ABCC11: variants seen among roughly 807,000 people sequenced by gnomAD.
ABCC11 encodes ATP binding cassette subfamily C member 11.
In ABCC11, 135 loss-of-function variants were observed where a neutral mutation model predicts 149.3. The ratio of observed to expected loss-of-function variants is 0.90; its 90% CI spans 0.79 to 1.04. The LOEUF is 1.04. ABCC11 is among the 50% of genes least tolerant of loss of function. ABCC11 has a pLI of 0.00. For synonymous variants in ABCC11, 665 were observed against 671.4 expected (o/e 0.99, Z 0.15); for missense variants, 1,680 against 1,722.1 (o/e 0.98, Z 0.43).
intron 23 of ABCC11, among the ~76,000 whole-genome samples, chr16:48,179,443 G>A (rs997279121): frequency 1.3e-5 from 2 of 152,204 alleles, no homozygotes; most frequent in Non-Finnish European, 2.9e-5. Context: ...TTGGGGCCCC[G>A]GTCTATAACC....
chr16:48,180,913 A>G (rs1459528558), intron 23 of ABCC11, among the ~76,000 whole-genome samples: 2 of 152,328 alleles, frequency 1.3e-5, no homozygotes, highest in African/African-American at 4.8e-5. Flanking sequence ...CAGACCTTGA[A>G]AAGAAGAAAA....
intron 24 of ABCC11, among the ~76,000 whole-genome samples, chr16:48,177,438 C>CG (rs1303666807): frequency 1.3e-5 from 2 of 152,204 alleles, no homozygotes; most frequent in African/African-American, 2.4e-5. Flanking sequence ...CTCCCCCCTT[C>CG]GGGGGGGTTC....
At chr16:48,243,993 GAATAAATA>G (rs748559863) in intron 1 of ABCC11, among the ~76,000 whole-genome samples, 4 of 150,862 alleles carry the variant, frequency 2.7e-5, no homozygotes, top group Non-Finnish European at 4.4e-5. Context: ...ATCTGTCTCA[GAATAAATA>G]AATAAATAAA....
chr16:48,210,802 T>A (rs1262882685), intron 11 of ABCC11, 146 bp downstream of exon 11: 1 of 1,138,278 alleles, frequency 8.8e-7, no homozygotes, highest in Admixed American at 2.8e-5. Context: ...GTGTTTGCCC[T>A]CCATGAAAAA....
rs146149363 is a variant in ABCC11 at position 48,176,966 on chromosome 16, G to A, written c.3496C>T (p.Arg1166Cys). The change falls in exon 25 of 30, where the codon CGC (arginine) becomes TGC (cysteine). Residue 1166 changes from arginine (R) to cysteine (C), a missense_variant. Coordinates refer to ENST00000356608, the MANE Select transcript of ABCC11 (RefSeq NM_001370497.1). ...ACGATGCCCACCACTTCGTGGCCGCGGATGGTCAGGTTGATGCCGTGAAGC... is the reference window on the plus strand; with the variant it reads ...ACGATGCCCACCACTTCGTGGCCGCAGATGGTCAGGTTGATGCCGTGAAGC... Reference protein sequence around the residue: ...TVLHGINLTIRGHEVVGIVGR... With the variant: ...TVLHGINLTICGHEVVGIVGR... The A allele has an allele frequency of 7.7e-5, 124 of 1,614,126 alleles. No homozygotes were observed. The East Asian group carries it at 1.3e-3, about 17-fold the overall frequency.
chr16:48,229,696 C>T (rs1414720848), intron 3 of ABCC11, among the ~76,000 whole-genome samples: 1 of 151,998 alleles, frequency 6.6e-6, no homozygotes, highest in Non-Finnish European at 1.5e-5. Flanking sequence ...GATCTCCTGA[C>T]CTCATGATCC....
intron 6 of ABCC11, among the ~76,000 whole-genome samples, chr16:48,218,907 C>T (rs565984812): frequency 1.9e-4 from 29 of 152,154 alleles, no homozygotes; most frequent in African/African-American, 6.7e-4. Flanking sequence ...CAAATAAGGA[C>T]GATCTATGTG....
chr16:48,236,160 T>G (rs1156599302), intron 1 of ABCC11, among the ~76,000 whole-genome samples: 1 of 152,224 alleles, frequency 6.6e-6, no homozygotes, highest in Non-Finnish European at 1.5e-5. Flanking sequence ...TTTCAGTAGC[T>G]TCAGGAGGGC....
intron 22 of ABCC11, among the ~76,000 whole-genome samples, chr16:48,185,834 G>A (rs535078667): frequency 6.6e-6 from 1 of 152,156 alleles, no homozygotes; most frequent in Non-Finnish European, 1.5e-5. Flanking sequence ...TCACTCTGTG[G>A]CCCCTGTGCT....
rs757882968 is a variant in ABCC11 at position 48,187,071 on chromosome 16, C to T, written c.2953G>A (p.Gly985Ser). 3.0e-5 allele frequency: 49 copies of T among 1,614,028 alleles called. No individual in the cohort carries two copies. Among genetic ancestry groups the T allele is most frequent in the Admixed American group, 6.7e-5 (4 of 60,002 alleles). Residue 985 changes from glycine (G) to serine (S), a missense_variant, in exon 22 of 30, where the codon GGT becomes AGT. Gly to Ser is a moderately conservative substitution (Grantham distance 56). Transcript: ENST00000356608. ...IYYMMFKKAI[G>S]VFKRLENYSR... ...TAGTTCTCCAGTCTCTTGAACACAC[C>T]GATGGCCTTCTTGAACATCCTGCAT...
chr16:48,225,043 C>CAAA (rs113544609), intron 4 of ABCC11, among the ~76,000 whole-genome samples: 38 of 142,568 alleles, frequency 2.7e-4, no homozygotes, highest in African/African-American at 4.4e-4. Flanking sequence ...AAAAACAAAC[C>CAAA]AAAAAAAAAA....
At chr16:48,169,120 T>C (rs1424652000) in intron 28 of ABCC11, among the ~76,000 whole-genome samples, 1 of 152,228 alleles carries the variant, frequency 6.6e-6, no homozygotes, top group African/African-American at 2.4e-5. Context: ...TTCCCAGTTC[T>C]AATAAAGATA....
intron 24 of ABCC11, among the ~76,000 whole-genome samples, chr16:48,177,499 G>A (rs1643236338): frequency 6.6e-6 from 1 of 152,230 alleles, no homozygotes; most frequent in African/African-American, 2.4e-5. Flanking sequence ...CTCATCCTAT[G>A]AGACAGGCCT....
At position 48,184,528 on chromosome 16, in the gene ABCC11, A is replaced by ACAAGG. The variant is rs1815129687; in HGVS notation, c.3165_3169dup (p.Val1057AlafsTer3). ...CACGAACAGGGCAACAGCCAAGGTCACAAGGTTGGTCATGATCTCCAGCCT... is the reference window on the plus strand; with the variant it reads ...CACGAACAGGGCAACAGCCAAGGTCACAAGGCAAGGTTGGTCATGATCTCCAGCCT... On this transcript the variant is annotated frameshift_variant, in exon 23 of 30. Transcript: ENST00000356608. LOFTEE classifies it high-confidence loss of function. 2 of 1,614,272 alleles carry ACAAGG rather than the reference A, an allele frequency of 1.2e-6. No homozygotes were observed. Among genetic ancestry groups the ACAAGG allele is most frequent in the African/African-American group, 1.3e-5 (1 of 75,074 alleles).
At chr16:48,181,614 T>TC (rs1177129178) in intron 23 of ABCC11, among the ~76,000 whole-genome samples, 1 of 151,246 alleles carries the variant, frequency 6.6e-6, no homozygotes, top group Non-Finnish European at 1.5e-5. Flanking sequence ...ACATGTTCTT[T>TC]TTTTTTTTTT....
At chr16:48,220,808 G>A (rs78364101) in intron 6 of ABCC11, among the ~76,000 whole-genome samples, 2,945 of 152,304 alleles carry the variant, frequency 0.019, 98 homozygotes, top group African/African-American at 0.068. Context: ...TAATTCAGCA[G>A]ATGTTTTTGG....
chr16:48,218,827 A>T (rs910185950), intron 6 of ABCC11, among the ~76,000 whole-genome samples: 1 of 152,188 alleles, frequency 6.6e-6, no homozygotes, highest in Non-Finnish European at 1.5e-5. Flanking sequence ...GAGTCCACTA[A>T]GCCTCTTTTC....
intron 11 of ABCC11, chr16:48,210,192 A>C (rs946221894): frequency 6.6e-6 from 1 of 152,248 alleles, no homozygotes; most frequent in African/African-American, 2.4e-5. Context: ...ACCTTATTTC[A>C]TTTTAAATGC....
chr16:48,203,186 C>G lies in ABCC11; in HGVS notation c.1878+42G>C, dbSNP rs753548274. On this transcript the variant is annotated intron_variant, in intron 14 of 29. Transcript: ENST00000356608. ...TGGGGAGGCAGCATGAACATAAGAG[C>G]ACCAACATTACACAGAGAAGGCAGG... 11 of 1,519,520 alleles carry G rather than the reference C, an allele frequency of 7.2e-6. No individual in the cohort carries two copies. The South Asian group carries it at 1.3e-4, about 18-fold the overall frequency. The allele number at this position is 1,519,520 out of a possible 1,614,324, so 94.1% of individuals were successfully genotyped here. A position where few individuals can be genotyped will look rare whatever the true frequency, so the allele number is the denominator to read the frequency against.
Sources: allele counts gnomAD v4.1 joint callset (sites outside exome capture counted in the v4.1 genomes callset), GRCh38; gene constraint gnomAD v4.1.1; transcripts MANE v1.5; gene names NCBI Gene and HGNC (gene_info 2026-07-23, HGNC 2026-07-21).